Variants in DPYSL2 observed in about 807,000 individuals in gnomAD.
DPYSL2 encodes the protein dihydropyrimidinase-related protein 2.
A neutral mutation model predicts 69.9 loss-of-function variants in DPYSL2; 13 were observed. That is an observed-to-expected ratio of 0.19 (90% CI 0.12 to 0.30). The LOEUF is 0.30. Among genes scored for constraint, DPYSL2 ranks in the 10% least tolerant of loss-of-function variants. The pLI, the probability that DPYSL2 is intolerant of heterozygous loss-of-function variation, is 1.00. For synonymous variants in DPYSL2, 326 were observed against 359.1 expected (o/e 0.91, Z 1.04); for missense variants, 587 against 918.9 (o/e 0.64, Z 4.67).
intron 1 of DPYSL2, among the ~76,000 whole-genome samples, chr8:26,547,470 A>C (rs73226141): frequency 0.018 from 2,762 of 152,316 alleles, 33 homozygotes; most frequent in Middle Eastern, 0.031. Context: ...TTACACGGCA[A>C]ATTGAAAGAC....
Position 26,621,224 on chromosome 8 carries a change from G to A in DPYSL2, c.629-2919G>A, listed in dbSNP as rs896013411. ...CAAATTTGAATAGGTTGATTTTGGG[G>A]TGGTGGTGGTAATGGGATTATTAAC... On this transcript the variant is annotated intron_variant, in intron 3 of 13. Transcript: ENST00000521913. This position sits in a 1 kb window ranked among gnomAD's most constrained non-coding sequence, Gnocchi z 4.9. Among the ~76,000 whole-genome samples, 6 of 152,214 alleles carry A rather than the reference G, an allele frequency of 3.9e-5. No individual in the cohort carries two copies. The highest frequency in any genetic ancestry group is 1.2e-4 in the African/African-American group (5 of 41,456).
intron 10 of DPYSL2, among the ~76,000 whole-genome samples, chr8:26,645,188 C>T (rs372734667): frequency 5.3e-5 from 8 of 152,074 alleles, no homozygotes; most frequent in African/African-American, 1.9e-4. Flanking sequence ...TTATTTGAGC[C>T]CAGGAGTTCA....
In DPYSL2 at chr8:26,584,315, A is replaced by G. The variant is rs138740849; in HGVS notation, c.628+332A>G. Among the ~76,000 whole-genome samples, 43 of 152,304 alleles carry G rather than the reference A, an allele frequency of 2.8e-4. No homozygotes were observed. In the East Asian group the frequency reaches 4.1e-3, roughly 14 times the overall value. On this transcript the variant is annotated intron_variant, in intron 3 of 13. Transcript: ENST00000521913. The stretch of plus-strand genomic sequence containing the variant: ...AACACGGCATTTGAAGTCATCTTCA[A>G]TGCCACCAACTTTAAGCCATTGAGC...
intron 7 of DPYSL2, among the ~76,000 whole-genome samples, chr8:26,629,832 C>A (rs541204623): frequency 5.9e-5 from 9 of 152,322 alleles, no homozygotes; most frequent in Non-Finnish European, 1.2e-4. Context: ...TGGGCTCAAG[C>A]TATCCTCCCA....
rs778502594 is a variant in DPYSL2, at chr8:26,589,017, C to G, written c.628+5034C>G. Among the ~76,000 whole-genome samples, 86 of 152,344 alleles carry G rather than the reference C, an allele frequency of 5.6e-4. 1 individual carries two copies. Among genetic ancestry groups the G allele is most frequent in the Admixed American group, 2.0e-4 (3 of 15,302 alleles). ...TGTCTGTCCCCCACCTCCTGCCTCTCGCCAGGCTGTTTTTCTGGTGCAGCT... is the reference window on the plus strand; with the variant it reads ...TGTCTGTCCCCCACCTCCTGCCTCTGGCCAGGCTGTTTTTCTGGTGCAGCT... On this transcript the variant is annotated intron_variant, in intron 3 of 13. Transcript: ENST00000521913.
At chr8:26,556,328 G>GTATATATATAGTA (rs1337283230) in intron 1 of DPYSL2, among the ~76,000 whole-genome samples, 1 of 17,686 alleles carries the variant, frequency 5.7e-5, no homozygotes, top group African/African-American at 1.1e-4. Flanking sequence ...TATATATATA[G>GTATATATATAGTA]TATATATATA....
At chr8:26,522,006 G>C (rs1187108684) in intron 1 of DPYSL2, among the ~76,000 whole-genome samples, 1 of 151,994 alleles carries the variant, frequency 6.6e-6, no homozygotes, top group Non-Finnish European at 1.5e-5. Context: ...ACAAGTTTTT[G>C]TTTAAACATA....
Position 26,632,015 on chromosome 8 carries a change from G to A in DPYSL2, c.1006-2765G>A, listed in dbSNP as rs1297505217. Among the ~76,000 whole-genome samples, 7 of 152,320 alleles carry A rather than the reference G, an allele frequency of 4.6e-5. No homozygotes were observed. In the East Asian group the frequency reaches 1.4e-3, roughly 29 times the overall value. Reference sequence around the variant, plus strand: ...AAACACATCCCAGTGTAACTTCTCTGTAGTTTGGTGACCTATCCATCACTA... The same window carrying A: ...AAACACATCCCAGTGTAACTTCTCTATAGTTTGGTGACCTATCCATCACTA... On this transcript the variant is annotated intron_variant, in intron 7 of 13. Transcript: ENST00000521913.
rs1292216243 is a variant in DPYSL2 at position 26,620,364 on chromosome 8, C to T, written c.629-3779C>T. 6.6e-6 allele frequency among the ~76,000 whole-genome samples: 1 copy of T among 152,122 alleles called. No homozygotes were observed. Among genetic ancestry groups the T allele is most frequent in the African/African-American group, 2.4e-5 (1 of 41,412 alleles). On this transcript the variant is annotated intron_variant, in intron 3 of 13. Transcript: ENST00000521913. This position sits in a 1 kb window ranked among gnomAD's most constrained non-coding sequence, Gnocchi z 4.5. ...CTCCGCCTCCTGGGTTCAAGTGATT[C>T]TCCTGCCTCAGCCTCCTGAGTAGCT...
In DPYSL2 at chr8:26,655,832, G is replaced by A; in HGVS notation, c.*126G>A. 2.1e-6 allele frequency: 2 copies of A among 938,632 alleles called. No homozygotes were observed. Among genetic ancestry groups the A allele is most frequent in the South Asian group, 2.5e-5 (1 of 40,774 alleles). The allele number at this position is 938,632 out of a possible 1,614,324, so 58.1% of individuals were successfully genotyped here. Reference sequence around the variant, plus strand: ...TTAAGAGCCTGTGATAGTTACTGTGGAGCAGCCAGTTCATGGGGTCCCCCT... The same window carrying A: ...TTAAGAGCCTGTGATAGTTACTGTGAAGCAGCCAGTTCATGGGGTCCCCCT... On this transcript the variant is annotated 3_prime_UTR_variant, in exon 14 of 14. Coordinates refer to ENST00000521913, the MANE Select transcript of DPYSL2 (RefSeq NM_001197293.3).
At chr8:26,623,042 G>A (rs1027905793) in intron 3 of DPYSL2, among the ~76,000 whole-genome samples, 3 of 152,208 alleles carry the variant, frequency 2.0e-5, no homozygotes, top group African/African-American at 7.2e-5. Context: ...TTTAGTGCTT[G>A]TGTGCAGAAG....
At chr8:26,575,020 G>A (rs966432510) in intron 1 of DPYSL2, among the ~76,000 whole-genome samples, 21 of 152,280 alleles carry the variant, frequency 1.4e-4, no homozygotes, top group Admixed American at 1.1e-3. Context: ...TGCAACCTCC[G>A]CCTCCCGGAT....
intron 1 of DPYSL2, chr8:26,548,060 G>T: frequency 4.0e-6 from 1 of 250,766 alleles, no homozygotes; most frequent in East Asian, 9.2e-5. Flanking sequence ...TGATCACATG[G>T]ATCCAGCATC....
Position 26,588,038 on chromosome 8 carries a change from T to A in DPYSL2, c.628+4055T>A, listed in dbSNP as rs773838073. 6.6e-6 allele frequency among the ~76,000 whole-genome samples: 1 copy of A among 152,156 alleles called. No homozygotes were observed. The highest frequency in any genetic ancestry group is 2.4e-5 in the African/African-American group (1 of 41,434). ...TTTGCTCTCAGCCTCAGTGGCCTCA[T>A]CTGCAAAATGGGGCAAGTTTTGACA... On this transcript the variant is annotated intron_variant, in intron 3 of 13. Transcript: ENST00000521913. This position sits in a 1 kb window ranked among gnomAD's most constrained non-coding sequence, Gnocchi z 5.4.
chr8:26,548,000 T>C, intron 1 of DPYSL2: 1 of 262,636 alleles, frequency 3.8e-6, no homozygotes, highest in Non-Finnish European at 7.8e-6. Context: ...CTTTTCCTGT[T>C]CCCCTGGATA....
At chr8:26,553,572 G>C (rs1203257399) in intron 1 of DPYSL2, among the ~76,000 whole-genome samples, 1 of 152,088 alleles carries the variant, frequency 6.6e-6, no homozygotes, top group African/African-American at 2.4e-5. Flanking sequence ...TCTTTTTTAT[G>C]ACTGCATGGT....
At chr8:26,521,070 A>G (rs190422519) in intron 1 of DPYSL2, among the ~76,000 whole-genome samples, 1 of 152,304 alleles carries the variant, frequency 6.6e-6, no homozygotes, top group Admixed American at 6.5e-5. Flanking sequence ...GTCCATAACA[A>G]TCATGAAATA....
chr8:26,556,128 ATATATACTATATATAG>A (rs1312775649), intron 1 of DPYSL2, among the ~76,000 whole-genome samples: 2,986 of 5,868 alleles, frequency 0.51, 774 homozygotes, highest in Admixed American at 0.61. Flanking sequence ...TATATATATT[ATATATACTATATATAG>A]TATATACTAT....
chr8:26,638,503 G>A (rs1190383319), intron 8 of DPYSL2, among the ~76,000 whole-genome samples: 1 of 152,150 alleles, frequency 6.6e-6, no homozygotes, highest in Non-Finnish European at 1.5e-5. Flanking sequence ...CTGTTTTCAC[G>A]TGCCTGCTTG....
Sources: allele counts gnomAD v4.1 joint callset (sites outside exome capture counted in the v4.1 genomes callset), GRCh38; gene constraint gnomAD v4.1.1; non-coding constraint Gnocchi (gnomAD v3.1); transcripts MANE v1.5; gene names NCBI Gene and HGNC (gene_info 2026-07-23, HGNC 2026-07-21).